Variants in NRXN3 observed in about 807,000 individuals in gnomAD.
NRXN3 encodes neurexin 3.
A neutral mutation model predicts 137.6 loss-of-function variants in NRXN3; 32 were observed. The observed-to-expected ratio is 0.23, with a 90% CI of 0.18 to 0.31. The LOEUF (loss-of-function observed/expected upper bound fraction) is 0.31, where lower values mean the gene tolerates loss of function less well. Among genes scored for constraint, NRXN3 ranks in the 10% least tolerant of loss-of-function variants. NRXN3 has a pLI of 1.00. For missense variants in NRXN3, 1,574 were observed against 2,062.5 expected (o/e 0.76, Z 4.59); for synonymous variants, 798 against 784.5 (o/e 1.02, Z -0.29).
At chr14:79,735,922 A>G (rs191522087) in intron 19 of NRXN3, among the ~76,000 whole-genome samples, 2 of 152,360 alleles carry the variant, frequency 1.3e-5, no homozygotes, top group Admixed American at 6.5e-5. Context: ...AGTCACACAT[A>G]ATTGGTAATT....
At chr14:78,642,823 C>T (rs80249063) in intron 4 of NRXN3, among the ~76,000 whole-genome samples, 1,598 of 152,306 alleles carry the variant, frequency 0.01, 33 homozygotes, top group African/African-American at 0.037. Context: ...ACTTCAAACA[C>T]GCAGACAGTG....
intron 2 of NRXN3, among the ~76,000 whole-genome samples, chr14:78,262,373 T>C (rs990501738): frequency 1.3e-5 from 2 of 152,060 alleles, no homozygotes; most frequent in Admixed American, 1.3e-4. Context: ...CACATGGCCC[T>C]CTCCTTCCAG....
At chr14:78,369,443 A>G (rs1469275868) in intron 4 of NRXN3, among the ~76,000 whole-genome samples, 1 of 151,968 alleles carries the variant, frequency 6.6e-6, no homozygotes, top group Non-Finnish European at 1.5e-5. Flanking sequence ...TTTTTCCCTC[A>G]TCCCATGCTC....
chr14:79,225,761 G>A (rs2070746117), intron 15 of NRXN3, among the ~76,000 whole-genome samples: 1 of 152,138 alleles, frequency 6.6e-6, no homozygotes, highest in Admixed American at 6.5e-5. Flanking sequence ...TGAGGCAAAT[G>A]TTTTCTGCTC....
intron 10 of NRXN3, among the ~76,000 whole-genome samples, chr14:78,871,012 T>C (rs1264032494): frequency 2.0e-5 from 3 of 150,706 alleles, no homozygotes; most frequent in African/African-American, 7.3e-5. Context: ...TAAATAGTGC[T>C]GTAATAAACA....
intron 15 of NRXN3, among the ~76,000 whole-genome samples, chr14:79,360,924 G>T (rs1048016075): frequency 3.2e-4 from 49 of 152,132 alleles, no homozygotes; most frequent in African/African-American, 9.9e-4. Flanking sequence ...CTCAATAAAT[G>T]GTAGTGATTT....
intron 8 of NRXN3, among the ~76,000 whole-genome samples, chr14:78,741,291 A>G (rs2098569806): frequency 6.6e-6 from 1 of 152,126 alleles, no homozygotes; most frequent in African/African-American, 2.4e-5. Flanking sequence ...TTGCTGTAAC[A>G]ACACGTGGGG....
intron 15 of NRXN3, chr14:79,280,502 A>T (rs151275223): frequency 1.3e-4 from 217 of 1,613,326 alleles, no homozygotes; most frequent in Non-Finnish European, 1.8e-4. Context: ...GCCTATTTCT[A>T]TCTATCGTTC....
chr14:79,664,753 G>A (rs753369991), intron 17 of NRXN3, among the ~76,000 whole-genome samples: 3 of 152,086 alleles, frequency 2.0e-5, no homozygotes, highest in Non-Finnish European at 4.4e-5. Context: ...AATGCTGATC[G>A]TAAAAGTGCC....
chr14:79,839,146 C>G (rs533584565), intron 20 of NRXN3, among the ~76,000 whole-genome samples: 24 of 151,958 alleles, frequency 1.6e-4, no homozygotes, highest in Admixed American at 1.5e-3. Flanking sequence ...CTTTCTTATG[C>G]TGGATCAGGT....
At chr14:79,391,366 T>C (rs60351460) in intron 15 of NRXN3, among the ~76,000 whole-genome samples, 2,840 of 152,290 alleles carry the variant, frequency 0.019, 41 homozygotes, top group East Asian at 0.043. Flanking sequence ...TGCCATTTAC[T>C]GGGATGGGGA....
At chr14:79,095,360 A>T (rs757259659) in intron 15 of NRXN3, among the ~76,000 whole-genome samples, 1 of 152,158 alleles carries the variant, frequency 6.6e-6, no homozygotes, top group Non-Finnish European at 1.5e-5. Context: ...TAAGTTAGCT[A>T]TGCTTTTCCC....
chr14:79,200,039 G>A (rs192165379), intron 15 of NRXN3: 79 of 152,294 alleles, frequency 5.2e-4, no homozygotes, highest in Middle Eastern at 3.4e-3. Context: ...CCAGAGAAGG[G>A]TAAGAAGGGA....
At chr14:78,631,748 T>C (rs1476140937) in intron 4 of NRXN3, among the ~76,000 whole-genome samples, 1 of 152,190 alleles carries the variant, frequency 6.6e-6, no homozygotes, top group African/African-American at 2.4e-5. Context: ...TGATTCTAGC[T>C]GTTTGGCTTT....
At chr14:79,570,566 C>G (rs919899025) in intron 16 of NRXN3, 1 of 152,148 alleles carries the variant, frequency 6.6e-6, no homozygotes, top group Non-Finnish European at 1.5e-5. Flanking sequence ...GCTGACTGTG[C>G]AAGGCTGTTC....
intron 20 of NRXN3, among the ~76,000 whole-genome samples, chr14:79,851,897 T>G (rs1244458251): frequency 6.6e-6 from 1 of 152,152 alleles, no homozygotes; most frequent in African/African-American, 2.4e-5. Flanking sequence ...CAATAAACTT[T>G]ATTCCTTTCA....
rs568741327 is a variant in NRXN3 at position 79,483,565 on chromosome 14, G to A, written c.3444+16163G>A. Among the ~76,000 whole-genome samples, 20 of 152,276 alleles carry A rather than the reference G, an allele frequency of 1.3e-4. No individual in the cohort carries two copies. In the South Asian group the frequency reaches 3.9e-3, roughly 30 times the overall value. On this transcript the variant is annotated intron_variant, in intron 16 of 20. Transcript: ENST00000335750. The stretch of plus-strand genomic sequence containing the variant: ...TAGCAGGAAGATCAAATTTCTCTTT[G>A]AGGCATGCAGTCTGAGCTCCAGTGA...
intron 1 of NRXN3, among the ~76,000 whole-genome samples, chr14:78,174,254 C>T (rs965791536): frequency 2.6e-5 from 4 of 152,052 alleles, no homozygotes; most frequent in Non-Finnish European, 5.9e-5. Context: ...GGGTTACCTC[C>T]GGGGAGATTT....
At chr14:78,435,424 T>C (rs1358367314) in intron 4 of NRXN3, among the ~76,000 whole-genome samples, 3 of 152,182 alleles carry the variant, frequency 2.0e-5, no homozygotes, top group Non-Finnish European at 4.4e-5. Flanking sequence ...TTCAGGGCTG[T>C]GGCTGAGGTT....
Sources: allele counts gnomAD v4.1 joint callset (sites outside exome capture counted in the v4.1 genomes callset), GRCh38; gene constraint gnomAD v4.1.1; transcripts MANE v1.5; gene names NCBI Gene and HGNC (gene_info 2026-07-23, HGNC 2026-07-21).